The following HDX variants were observed in gnomAD, a reference collection of about 807,000 sequenced individuals.
HDX encodes chromosome X open reading frame 43.
Under a neutral mutation model 45.2 loss-of-function variants are expected in HDX, and 19 were observed. That is an observed-to-expected ratio of 0.42 (90% CI 0.29 to 0.62). The LOEUF (loss-of-function observed/expected upper bound fraction) is 0.62, where lower values mean the gene tolerates loss of function less well. Ranked by LOEUF, HDX falls within the 20% of genes least tolerant of loss-of-function variation. The probability of loss-of-function intolerance (pLI) is 0.20; values close to 1 mark genes in which losing one functional copy is unlikely to be tolerated. For missense variants in HDX, 532 were observed against 493.9 expected, an observed-to-expected ratio of 1.08 and a Z score of -0.73; for synonymous variants, 188 against 172.8, an observed-to-expected ratio of 1.09 and a Z score of -0.69.
intron 1 of HDX, among the ~76,000 whole-genome samples, chrX:84,502,078 G>A (rs1484416916): frequency 1.8e-5 from 2 of 111,220 alleles, no homozygotes; most frequent in Non-Finnish European, 3.8e-5. Flanking sequence ...CTCTCTCTCC[G>A]AGCAAGGTCC....
At chrX:84,445,499 A>G (rs889705863) in intron 4 of HDX, among the ~76,000 whole-genome samples, 1 of 110,480 alleles carries the variant, frequency 9.1e-6, no homozygotes, top group Admixed American at 9.7e-5. Flanking sequence ...ATATTTACTG[A>G]TTGACTAATT....
chrX:84,380,441 A>G lies in HDX; in HGVS notation c.1306-18829T>C, dbSNP rs1263297907. ...AAAAAAAAAAGAAAACTGTAAGTCA[A>G]TATCTCTGATAAATATCGATGTAAA... is the stretch of plus-strand genomic sequence containing the variant. On this transcript the variant is annotated intron_variant, in intron 5 of 10. Transcript: ENST00000373177. Among the ~76,000 whole-genome samples the G allele has an allele frequency of 3.6e-5, 4 of 111,215 alleles. No homozygotes were observed. In the East Asian group the frequency reaches 8.4e-4, roughly 23 times the overall value.
At chrX:84,369,101 T>A (rs2037833114) in intron 5 of HDX, among the ~76,000 whole-genome samples, 1 of 111,117 alleles carries the variant, frequency 9.0e-6, no homozygotes, top group African/African-American at 3.3e-5. Context: ...CCCCACGCAA[T>A]GACCATTCTA....
chrX:84,442,302 T>A (rs1452134286), intron 4 of HDX, among the ~76,000 whole-genome samples: 2 of 111,249 alleles, frequency 1.8e-5, no homozygotes, highest in Non-Finnish European at 3.8e-5. Flanking sequence ...GGAGTGATGA[T>A]CAATGTGAAT....
intron 4 of HDX, among the ~76,000 whole-genome samples, chrX:84,442,690 C>T (rs747506767): frequency 9.0e-6 from 1 of 110,813 alleles, no homozygotes; most frequent in South Asian, 3.7e-4. Flanking sequence ...GAGGGAAATA[C>T]ATCCGCTTAA....
chrX:84,464,565 A>G (rs1292629985), intron 4 of HDX, among the ~76,000 whole-genome samples: 1 of 112,052 alleles, frequency 8.9e-6, no homozygotes, highest in East Asian at 2.8e-4. Context: ...GACAAAAACA[A>G]GAAATGGGGA....
At chrX:84,322,107 C>A in intron 10 of HDX, 93 bp from the exon 11 acceptor site, 1 of 522,275 alleles carries the variant, frequency 1.9e-6, no homozygotes, top group Non-Finnish European at 2.9e-6. Flanking sequence ...GGTGAATTAT[C>A]CTTATGGATT....
chrX:84,363,789 G>A (rs1444540013), intron 5 of HDX, among the ~76,000 whole-genome samples: 1 of 112,061 alleles, frequency 8.9e-6, no homozygotes, highest in African/African-American at 3.2e-5. Flanking sequence ...GAAGCTTGAA[G>A]TTGAAGTCAG....
At chrX:84,327,434 T>C (rs184699074) in intron 9 of HDX, among the ~76,000 whole-genome samples, 15 of 111,906 alleles carry the variant, frequency 1.3e-4, no homozygotes, top group Admixed American at 2.8e-4. Context: ...TGCATAAGGA[T>C]AGACATATCA....
At chrX:84,472,883 A>G (rs748599273) in intron 3 of HDX, among the ~76,000 whole-genome samples, 1 of 110,311 alleles carries the variant, frequency 9.1e-6, no homozygotes, top group Admixed American at 9.7e-5. Flanking sequence ...AAATTTGTTC[A>G]GTTATTATCA....
At chrX:84,402,684 A>C (rs2038734127) in intron 5 of HDX, among the ~76,000 whole-genome samples, 1 of 111,646 alleles carries the variant, frequency 9.0e-6, no homozygotes, top group African/African-American at 3.2e-5. Flanking sequence ...TTTTCAAATC[A>C]ATTGGGTAAC....
intron 9 of HDX, among the ~76,000 whole-genome samples, chrX:84,326,553 C>A (rs192728068): frequency 0.014 from 1,539 of 110,803 alleles, 20 homozygotes; most frequent in South Asian, 0.054. Flanking sequence ...AAGAGAAAAA[C>A]CAAAAAACAG....
intron 4 of HDX, among the ~76,000 whole-genome samples, chrX:84,466,590 T>C (rs1366472664): frequency 1.8e-5 from 2 of 112,118 alleles, no homozygotes; most frequent in Non-Finnish European, 3.8e-5. Context: ...TTTTAAAAAA[T>C]TGTTTCTTTA....
At chrX:84,388,103 C>T (rs1323857045) in intron 5 of HDX, among the ~76,000 whole-genome samples, 5 of 111,819 alleles carry the variant, frequency 4.5e-5, no homozygotes, top group Non-Finnish European at 7.5e-5. Context: ...AATTTCTTTC[C>T]TTTAAGGATG....
At chrX:84,408,472 G>C (rs1157663052) in intron 5 of HDX, among the ~76,000 whole-genome samples, 1 of 87,857 alleles carries the variant, frequency 1.1e-5, no homozygotes, top group Non-Finnish European at 2.2e-5. Flanking sequence ...ATATTTTGAA[G>C]TTGCATAAAG....
chrX:84,489,311 C>T (rs1451247501), intron 1 of HDX, among the ~76,000 whole-genome samples: 1 of 111,760 alleles, frequency 8.9e-6, no homozygotes, highest in African/African-American at 3.3e-5. Context: ...TGGTGAAGTA[C>T]AATTTATGGC....
intron 7 of HDX, among the ~76,000 whole-genome samples, chrX:84,339,222 C>A: frequency 9.0e-6 from 1 of 111,336 alleles, no homozygotes; most frequent in Non-Finnish European, 1.9e-5. Context: ...GGTTCATAGA[C>A]AGAGGAGCCT....
chrX:84,464,887 CA>C (rs1381231325), intron 4 of HDX, among the ~76,000 whole-genome samples: 38 of 111,589 alleles, frequency 3.4e-4, no homozygotes, highest in African/African-American at 1.2e-3. Flanking sequence ...AGTGAACAGG[CA>C]ACCTACAGAA....
At chrX:84,396,172 G>A (rs899699704) in intron 5 of HDX, among the ~76,000 whole-genome samples, 3 of 112,292 alleles carry the variant, frequency 2.7e-5, no homozygotes, top group Admixed American at 9.5e-5. Context: ...CACATGTAGT[G>A]TAACAATTGC....
Sources: gnomAD v4.1 joint callset for allele counts (sites outside exome capture counted in the v4.1 genomes callset) on GRCh38, gnomAD v4.1.1 for gene constraint, MANE v1.5 for transcripts, NCBI Gene and HGNC (gene_info 2026-07-23, HGNC 2026-07-21) for gene names.